Variants in PPM1D observed in about 807,000 individuals in gnomAD.
PPM1D encodes protein phosphatase 1D.
PPM1D carries 52 observed loss-of-function variants against 58.3 expected under a neutral mutation model. The observed-to-expected ratio is 0.89, with a 90% confidence interval of 0.71 to 1.12. PPM1D has a LOEUF of 1.12. Ranked by LOEUF, PPM1D falls within the 50% of genes most tolerant of loss-of-function variation. The probability of loss-of-function intolerance (pLI) is 0.00; values close to 1 mark genes in which losing one functional copy is unlikely to be tolerated. For missense variants in PPM1D, 564 were observed against 777.2 expected (o/e 0.73, Z 3.26); for synonymous variants, 278 against 285.1 (o/e 0.98, Z 0.25).
rs146413861 is a variant in PPM1D at position 60,637,113 on chromosome 17, C to T, written c.826+3136C>T. On this transcript the variant is annotated intron_variant, in intron 3 of 5. Transcript: ENST00000305921. Reference sequence around the variant, plus strand: ...CCTCCCAAGTAGCTGGGATTATAGGCGTGCGCCCCCACGCCCGGCTAATTT... The same window carrying T: ...CCTCCCAAGTAGCTGGGATTATAGGTGTGCGCCCCCACGCCCGGCTAATTT... 4.3e-4 allele frequency among the ~76,000 whole-genome samples: 66 copies of T among 152,042 alleles called. No homozygotes were observed. The East Asian group carries it at 6.2e-3, about 14-fold the overall frequency.
At chr17:60,617,412 CA>C in intron 1 of PPM1D, among the ~76,000 whole-genome samples, 1 of 151,920 alleles carries the variant, frequency 6.6e-6, no homozygotes, top group East Asian at 1.9e-4. Context: ...CACAGTAGCA[CA>C]TGCTTATAGT....
At chr17:60,648,355 G>A (rs75628112) in intron 4 of PPM1D, among the ~76,000 whole-genome samples, 1 of 150,722 alleles carries the variant, frequency 6.6e-6, no homozygotes, top group Non-Finnish European at 1.5e-5. Context: ...TTTTTTAAAT[G>A]ACATATAATT....
intron 2 of PPM1D, among the ~76,000 whole-genome samples, chr17:60,631,954 G>A (rs975964064): frequency 3.9e-5 from 6 of 151,938 alleles, no homozygotes; most frequent in African/African-American, 7.3e-5. Flanking sequence ...CGAGGTGGGT[G>A]GATCACGAGG....
intron 3 of PPM1D, among the ~76,000 whole-genome samples, chr17:60,646,128 C>T (rs550766872): frequency 2.1e-4 from 32 of 152,078 alleles, no homozygotes; most frequent in Non-Finnish European, 4.0e-4. Context: ...TTTATTATTT[C>T]GTCAACCAGG....
At chr17:60,628,423 G>C (rs1292309878) in intron 2 of PPM1D, among the ~76,000 whole-genome samples, 1 of 152,076 alleles carries the variant, frequency 6.6e-6, no homozygotes, top group Non-Finnish European at 1.5e-5. Context: ...TATGGGTTTT[G>C]ACAAATACGT....
chr17:60,603,811 T>C (rs780919695), intron 1 of PPM1D, among the ~76,000 whole-genome samples: 16 of 151,606 alleles, frequency 1.1e-4, no homozygotes, highest in Non-Finnish European at 2.1e-4. Context: ...CTGCACTCAA[T>C]CTCTTGCGCT....
rs747645998 is a variant in PPM1D, at chr17:60,665,265, G to A, written c.*1713G>A. 2.6e-5 allele frequency: 4 copies of A among 151,664 alleles called. No individual in the cohort carries two copies. The highest frequency in any genetic ancestry group is 4.4e-5 in the Non-Finnish European group (3 of 67,946). The allele number at this position is 151,664 out of a possible 1,614,324, so 9.4% of individuals were successfully genotyped here. A position where few individuals can be genotyped will look rare whatever the true frequency, so the allele number is the denominator to read the frequency against. ...ATTACAGGCGTGAGCCACCGCATCC[G>A]GCCTGAGTTTTATGCTTTCAATGTA... On this transcript the variant is annotated 3_prime_UTR_variant, in exon 6 of 6. Transcript: ENST00000305921.
At position 60,620,317 on chromosome 17, in the gene PPM1D, T is replaced by TTTTG. The variant is rs374591924; in HGVS notation, c.473-3188_473-3185dup. Among the ~76,000 whole-genome samples, 151 of 151,896 alleles carry TTTTG rather than the reference T, an allele frequency of 9.9e-4. 3 individuals are homozygous for TTTTG. The highest frequency in any genetic ancestry group is 3.4e-3 in the African/African-American group (143 of 41,456). On this transcript the variant is annotated intron_variant, in intron 1 of 5. Coordinates refer to ENST00000305921, the MANE Select transcript of PPM1D (RefSeq NM_003620.4). Reference sequence around the variant, plus strand: ...CGGCCTGCCCAGTTTTTAACTGTGTTTTTGTTTGTTTGTTTGTTTTGCTAT... The same window carrying TTTTG: ...CGGCCTGCCCAGTTTTTAACTGTGTTTTTGTTTGTTTGTTTGTTTGTTTTGCTAT...
In PPM1D at chr17:60,663,642, G is replaced by GA. The variant is rs2031572456; in HGVS notation, c.*94dup. 1.5e-6 allele frequency: 2 copies of GA among 1,347,166 alleles called. No individual in the cohort carries two copies. Among genetic ancestry groups the GA allele is most frequent in the African/African-American group, 3.0e-5 (2 of 67,702 alleles). The allele number at this position is 1,347,166 out of a possible 1,614,324, so 83.5% of individuals were successfully genotyped here. A position where few individuals can be genotyped will look rare whatever the true frequency, so the allele number is the denominator to read the frequency against. On this transcript the variant is annotated 3_prime_UTR_variant, in exon 6 of 6. Transcript: ENST00000305921. ...CGATGTTGAACTTTTTTTAAGGGGA[G>GA]AAAATTAAAAGAAATATACAGTTTG...
rs527521383 is a variant in PPM1D, at chr17:60,630,547, C to T, written c.702-3306C>T. Among the ~76,000 whole-genome samples, 13 of 152,310 alleles carry T rather than the reference C, an allele frequency of 8.5e-5. No individual in the cohort carries two copies. In the South Asian group the frequency reaches 1.2e-3, roughly 15 times the overall value. On this transcript the variant is annotated intron_variant, in intron 2 of 5. Coordinates refer to ENST00000305921, the MANE Select transcript of PPM1D (RefSeq NM_003620.4). ...CAGCCTTCTGTTGCTGCTCAGTCAGCTCTCTGCGTGTCAGGCTGTTCCTTT... is the reference window on the plus strand; with the variant it reads ...CAGCCTTCTGTTGCTGCTCAGTCAGTTCTCTGCGTGTCAGGCTGTTCCTTT...
intron 1 of PPM1D, among the ~76,000 whole-genome samples, chr17:60,605,640 C>A (rs571612547): frequency 2.3e-4 from 35 of 152,204 alleles, no homozygotes; most frequent in Non-Finnish European, 4.6e-4. Context: ...TGGTGGCTCA[C>A]GCCTGTAATC....
In PPM1D at chr17:60,650,446, G is replaced by T. The variant is rs2031322401; in HGVS notation, c.1017+2364G>T. Among the ~76,000 whole-genome samples the T allele has an allele frequency of 1.3e-5, 2 of 152,142 alleles. 1 individual carries two copies. Among genetic ancestry groups the T allele is most frequent in the South Asian group, 4.1e-4 (2 of 4,832 alleles). On this transcript the variant is annotated intron_variant, in intron 4 of 5. Coordinates refer to ENST00000305921, the MANE Select transcript of PPM1D (RefSeq NM_003620.4). ...CGCACCTGTAATCCCAGTTACTCAG[G>T]AGGCTGATGCAGGAGAATTGCTTGA...
At chr17:60,625,521 TA>T in intron 2 of PPM1D, among the ~76,000 whole-genome samples, 2 of 152,114 alleles carry the variant, frequency 1.3e-5, no homozygotes, top group Non-Finnish European at 2.9e-5. Flanking sequence ...AGGCCAGAAG[TA>T]ACTTGAAGGC....
intron 5 of PPM1D, 153 bp downstream of exon 5, chr17:60,656,994 C>T (rs2031454072): frequency 6.4e-7 from 1 of 1,555,574 alleles, no homozygotes; most frequent in African/African-American, 1.4e-5. Flanking sequence ...GCCATCTTTA[C>T]ATCAATACTA....
rs754590856 is a variant in PPM1D, at chr17:60,633,854, G to A, written c.703G>A (p.Val235Ile). Residue 235 changes from valine to isoleucine, a missense_variant and splice_region_variant, in exon 3 of 6, where the codon GTA becomes ATA. Coordinates refer to ENST00000305921, the MANE Select transcript of PPM1D (RefSeq NM_003620.4). ...RERIEGLGGSVMNKSGVNRVV... is the reference protein window; with the variant it reads ...RERIEGLGGSIMNKSGVNRVV... ...TTTATGTGAACTCTTTATTTTTAGT[G>A]TAATGAACAAGTCTGGGGTGAATCG... 9 of 1,610,400 alleles carry A rather than the reference G, an allele frequency of 5.6e-6. No individual in the cohort carries two copies. Among genetic ancestry groups the A allele is most frequent in the Non-Finnish European group, 5.9e-6 (7 of 1,177,610 alleles).
chr17:60,611,970 T>G (rs2030464773), intron 1 of PPM1D, among the ~76,000 whole-genome samples: 1 of 151,800 alleles, frequency 6.6e-6, no homozygotes, highest in African/African-American at 2.4e-5. Flanking sequence ...CCTTTACCTA[T>G]GTGCTGTCCA....
chr17:60,663,479 G>C lies in PPM1D; in HGVS notation c.1745G>C (p.Arg582Pro). Residue 582 changes from arginine (R) to proline (P), a missense_variant, in exon 6 of 6, where the codon CGC (arginine) becomes CCC (proline). This residue lies in a region of PPM1D where 261 missense variants were observed against 270.1 expected (regional missense o/e 0.97). Transcript: ENST00000305921. ...RKNSVKLTMR[R>P]RLRGQKKIGN... ...AACTCTGTTAAACTCACCATGCGAC[G>C]CAGACTTAGGGGCCAGAAGAAAATT... is the stretch of plus-strand genomic sequence containing the variant. The C allele has an allele frequency of 6.2e-7, 1 of 1,613,832 alleles. No individual in the cohort carries two copies. The highest frequency in any genetic ancestry group is 2.2e-5 in the East Asian group (1 of 44,880).
intron 4 of PPM1D, among the ~76,000 whole-genome samples, chr17:60,650,009 A>G (rs1289047745): frequency 6.6e-6 from 1 of 152,206 alleles, no homozygotes; most frequent in East Asian, 1.9e-4. Context: ...TCAATGGCAT[A>G]AAGACAAAAA....
chr17:60,642,162 G>C (rs1284220644), intron 3 of PPM1D, among the ~76,000 whole-genome samples: 1 of 152,058 alleles, frequency 6.6e-6, no homozygotes, highest in Non-Finnish European at 1.5e-5. Flanking sequence ...GTAAAACAAG[G>C]GAAAGTGTCT....
Sources: allele counts gnomAD v4.1 joint callset (sites outside exome capture counted in the v4.1 genomes callset), GRCh38; gene constraint gnomAD v4.1.1; regional missense constraint gnomAD v4.1.1; transcripts MANE v1.5; gene names NCBI Gene and HGNC (gene_info 2026-07-23, HGNC 2026-07-21).